Variants in EVA1C observed in about 807,000 individuals in gnomAD.
The protein encoded by EVA1C is eva-1 homolog C.
EVA1C carries 25 observed loss-of-function variants against 45.4 expected under a neutral mutation model. The observed-to-expected ratio is 0.55, with a 90% CI of 0.40 to 0.77. The LOEUF is 0.77. EVA1C is among the 30% of genes least tolerant of loss of function. The pLI is 0.00. For synonymous variants in EVA1C, 190 were observed against 221.2 expected, an observed-to-expected ratio of 0.86 and a Z score of 1.25; for missense variants, 479 against 554.8, an observed-to-expected ratio of 0.86 and a Z score of 1.37.
intron 5 of EVA1C, among the ~76,000 whole-genome samples, chr21:32,495,585 A>C (rs1018584630): frequency 6.6e-6 from 1 of 152,172 alleles, no homozygotes; most frequent in African/African-American, 2.4e-5. Flanking sequence ...GCCCTAAATG[A>C]CTAACTCTCT....
rs150752843 is a variant in EVA1C, at chr21:32,488,048, T to C, written c.635-6979T>C. On this transcript the variant is annotated intron_variant, in intron 4 of 7. Coordinates refer to ENST00000300255, the MANE Select transcript of EVA1C (RefSeq NM_058187.5). Reference sequence around the variant, plus strand: ...CTGTACTAACTCCAGGTAGTCAGTGTAAGTTTTCAGCATAAACAATCAAAG... The same window carrying C: ...CTGTACTAACTCCAGGTAGTCAGTGCAAGTTTTCAGCATAAACAATCAAAG... Among the ~76,000 whole-genome samples, 1,138 of 152,228 alleles carry C rather than the reference T, an allele frequency of 7.5e-3. 9 individuals are homozygous for C. Among genetic ancestry groups the C allele is most frequent in the African/African-American group, 0.025 (1,026 of 41,522 alleles).
At chr21:32,422,294 G>A (rs1172060085) in intron 1 of EVA1C, among the ~76,000 whole-genome samples, 1 of 151,722 alleles carries the variant, frequency 6.6e-6, no homozygotes, top group Non-Finnish European at 1.5e-5. Context: ...CCGGAATGAA[G>A]CAAAACAGGT....
chr21:32,428,557 A>C (rs2034577312), intron 1 of EVA1C: 1 of 152,174 alleles, frequency 6.6e-6, no homozygotes, highest in Non-Finnish European at 1.5e-5. Flanking sequence ...CCAATCCCAA[A>C]CTGCACCCTT....
rs1244541989 is a variant in EVA1C at position 32,412,969 on chromosome 21, T to C, written c.116T>C (p.Val39Ala). Reference protein sequence around the residue: ...GQLLRLFYCTVLVCSKEISAL... With the variant: ...GQLLRLFYCTALVCSKEISAL... ...CTCCTGCGCCTCTTCTACTGCACTG[T>C]CCTGGTCTGCTCCAAAGAGATCTCA... Residue 39 changes from valine to alanine, a missense_variant, in exon 1 of 8, where the codon GTC becomes GCC. Coordinates refer to ENST00000300255, the MANE Select transcript of EVA1C (RefSeq NM_058187.5). 2 of 1,531,062 alleles carry C rather than the reference T, an allele frequency of 1.3e-6. No homozygotes were observed. The highest frequency in any genetic ancestry group is 2.5e-5 in the South Asian group (2 of 81,488). The allele number at this position is 1,531,062 out of a possible 1,614,324, so 94.8% of individuals were successfully genotyped here. A position where few individuals can be genotyped will look rare whatever the true frequency, so the allele number is the denominator to read the frequency against.
Position 32,514,966 on chromosome 21 carries a change from G to T in EVA1C, c.1102G>T (p.Val368Phe), listed in dbSNP as rs745660953. 8 of 1,614,172 alleles carry T rather than the reference G, an allele frequency of 5.0e-6. No homozygotes were observed. The highest frequency in any genetic ancestry group is 6.8e-6 in the Non-Finnish European group (8 of 1,180,030). Reference protein sequence around the residue: ...REQLVPGSDKVEEDSEDEEEE... With the variant: ...REQLVPGSDKFEEDSEDEEEE... ...GCAGCTGGTGCCAGGAAGTGACAAG[G>T]TCGAGGAGGACAGCGAGGATGAAGA... Residue 368 changes from valine (V) to phenylalanine (F), a missense_variant, in exon 8 of 8, where the codon GTC (valine) becomes TTC (phenylalanine). By Grantham distance (50) the Val-to-Phe change is conservative. Transcript: ENST00000300255.
chr21:32,486,086 A>G (rs1056090287), intron 4 of EVA1C, among the ~76,000 whole-genome samples: 2 of 152,228 alleles, frequency 1.3e-5, no homozygotes, highest in African/African-American at 4.8e-5. Flanking sequence ...AGACAAAGGA[A>G]GAAAGAGTGG....
chr21:32,433,753 A>AC (rs1266669299), intron 1 of EVA1C, among the ~76,000 whole-genome samples: 4 of 151,912 alleles, frequency 2.6e-5, no homozygotes, highest in Non-Finnish European at 5.9e-5. Context: ...TGGAGTCCTG[A>AC]CCCCCAGCAC....
chr21:32,482,469 T>C (rs908610593), intron 4 of EVA1C, among the ~76,000 whole-genome samples: 2 of 152,136 alleles, frequency 1.3e-5, no homozygotes, highest in African/African-American at 4.8e-5. Flanking sequence ...GGTTCTCCAA[T>C]GAGTAGAAGA....
At chr21:32,419,387 A>G (rs2034173851) in intron 1 of EVA1C, among the ~76,000 whole-genome samples, 1 of 152,248 alleles carries the variant, frequency 6.6e-6, no homozygotes, top group African/African-American at 2.4e-5. Flanking sequence ...ATTTAGAAGC[A>G]GGATTTGAAC....
chr21:32,491,681 CAAAAAAA>C (rs34286023), intron 4 of EVA1C, among the ~76,000 whole-genome samples: 1 of 57,680 alleles, frequency 1.7e-5, no homozygotes, highest in African/African-American at 6.4e-5. Flanking sequence ...GAGACTCTGT[CAAAAAAA>C]AAAAAAAAAA....
chr21:32,475,879 TTATCTATC>T (rs10661334), intron 4 of EVA1C, among the ~76,000 whole-genome samples: 1,327 of 100,508 alleles, frequency 0.013, 16 homozygotes, highest in African/African-American at 0.026. Context: ...TCTAAAAACT[TTATCTATC>T]TATCTATCTA....
chr21:32,484,098 G>A lies in EVA1C; in HGVS notation c.635-10929G>A, dbSNP rs752568580. On this transcript the variant is annotated intron_variant, in intron 4 of 7. Coordinates refer to ENST00000300255, the MANE Select transcript of EVA1C (RefSeq NM_058187.5). ...ATTCCTTTCAACTGGACCCCTTCACGGTTCTCCAATGAGTAGAAGAGTTTC... is the reference window on the plus strand; with the variant it reads ...ATTCCTTTCAACTGGACCCCTTCACAGTTCTCCAATGAGTAGAAGAGTTTC... Among the ~76,000 whole-genome samples the A allele has an allele frequency of 2.0e-4, 31 of 151,826 alleles. 1 individual carries two copies. The highest frequency in any genetic ancestry group is 2.8e-4 in the Non-Finnish European group (19 of 67,980).
chr21:32,448,112 G>A (rs1182620169), intron 1 of EVA1C, among the ~76,000 whole-genome samples: 1 of 152,132 alleles, frequency 6.6e-6, no homozygotes, highest in Non-Finnish European at 1.5e-5. Flanking sequence ...AAACCATGGG[G>A]TTGTTCTAAT....
In EVA1C at chr21:32,474,102, T is replaced by A; in HGVS notation, c.634+6254T>A. 1 of 287,006 alleles carries A rather than the reference T, an allele frequency of 3.5e-6. No homozygotes were observed. The highest frequency in any genetic ancestry group is 1.8e-3 in the Middle Eastern group (1 of 570). 17.8% of individuals were successfully genotyped at this position (287,006 alleles called of 1,614,324 possible). A position where few individuals can be genotyped will look rare whatever the true frequency, so the allele number is the denominator to read the frequency against. ...GCCACCATGCCTGGCATGGTGGAGA[T>A]GAAGTCTTGCTATTTTGCCCAGGCT... On this transcript the variant is annotated intron_variant, in intron 4 of 7. Transcript: ENST00000300255. This position sits in a 1 kb window ranked among gnomAD's most constrained non-coding sequence, Gnocchi z 4.4.
At chr21:32,454,687 A>AT (rs1160816593) in intron 2 of EVA1C, among the ~76,000 whole-genome samples, 1 of 151,950 alleles carries the variant, frequency 6.6e-6, no homozygotes, top group Non-Finnish European at 1.5e-5. Context: ...AGTCTGTTTG[A>AT]TTTTGTCGAC....
At position 32,514,345 on chromosome 21, in the gene EVA1C, T is replaced by C. The variant is rs1056616992; in HGVS notation, c.950-469T>C. Among the ~76,000 whole-genome samples the C allele has an allele frequency of 2.0e-5, 3 of 152,356 alleles. No homozygotes were observed. The East Asian group carries it at 5.8e-4, about 29-fold the overall frequency. ...ATTCTTCATGAGCTACTTCTACTACTAATAATAGCAGCACTTTATTGAGCA... is the reference window on the plus strand; with the variant it reads ...ATTCTTCATGAGCTACTTCTACTACCAATAATAGCAGCACTTTATTGAGCA... On this transcript the variant is annotated intron_variant, in intron 7 of 7. Transcript: ENST00000300255.
rs1189959369 is a variant in EVA1C, at chr21:32,515,146, G to A, written c.1282G>A (p.Gly428Ser). 6.2e-7 allele frequency: 1 copy of A among 1,609,824 alleles called. No homozygotes were observed. The highest frequency in any genetic ancestry group is 1.7e-5 in the Admixed American group (1 of 59,708). The change falls in exon 8 of 8, where the codon GGT (glycine) becomes AGT (serine). Residue 428 changes from glycine (G) to serine (S), a missense_variant. Coordinates refer to ENST00000300255, the MANE Select transcript of EVA1C (RefSeq NM_058187.5). ...CATTCAGGAAATATGGATGAACAGTGGTTTGGACACCTCGCTCCCAAGAAA... is the reference window on the plus strand; with the variant it reads ...CATTCAGGAAATATGGATGAACAGTAGTTTGGACACCTCGCTCCCAAGAAA... Reference protein sequence around the residue: ...QIIQEIWMNSGLDTSLPRNMG... With the variant: ...QIIQEIWMNSSLDTSLPRNMG...
At position 32,480,925 on chromosome 21, in the gene EVA1C, T is replaced by C. The variant is rs887194910; in HGVS notation, c.634+13077T>C. Among the ~76,000 whole-genome samples, 13 of 150,798 alleles carry C rather than the reference T, an allele frequency of 8.6e-5. No homozygotes were observed. The South Asian group carries it at 2.5e-3, about 29-fold the overall frequency. ...TCGCAGTGTGCTGAGATCGTGCCAC[T>C]GCACACCAGCCTGGGCAACAGAGCA... On this transcript the variant is annotated intron_variant, in intron 4 of 7. Transcript: ENST00000300255.
intron 1 of EVA1C, among the ~76,000 whole-genome samples, chr21:32,427,855 TAAAAA>T (rs35551211): frequency 1.6e-4 from 19 of 122,500 alleles, no homozygotes; most frequent in South Asian, 2.7e-4. Context: ...CCATCTCTAT[TAAAAA>T]AAAAAAAAAA....
Sources: gnomAD v4.1 joint callset for allele counts (sites outside exome capture counted in the v4.1 genomes callset) on GRCh38, gnomAD v4.1.1 for gene constraint, Gnocchi (gnomAD v3.1) non-coding constraint, MANE v1.5 for transcripts, NCBI Gene and HGNC (gene_info 2026-07-23, HGNC 2026-07-21) for gene names.